Variants in ANKIB1 observed in about 807,000 individuals in gnomAD.
ANKIB1 encodes ankyrin repeat and IBR domain containing 1.
A neutral mutation model predicts 122.1 loss-of-function variants in ANKIB1; 43 were observed. The observed-to-expected ratio is 0.35, with a 90% CI of 0.28 to 0.45. ANKIB1 has a LOEUF of 0.45. Among genes scored for constraint, ANKIB1 ranks in the 20% least tolerant of loss-of-function variants. The pLI is 1.00. For synonymous variants in ANKIB1, 390 were observed against 442.0 expected (o/e 0.88, Z 1.48); for missense variants, 992 against 1,329.5 (o/e 0.75, Z 3.95).
At chr7:92,343,002 A>G in intron 5 of ANKIB1, 22 bp from the exon 6 acceptor site, 1 of 1,600,154 alleles carries the variant, frequency 6.2e-7, no homozygotes, top group East Asian at 2.2e-5. Context: ...TTTGAGAGCT[A>G]TCCATTCCAT....
At position 92,397,798 on chromosome 7, in the gene ANKIB1, A is replaced by G; in HGVS notation, c.2471A>G (p.His824Arg). ...AGTTCTGCATCTATGAGTGTGCTGC[A>G]CAGCTCTTCCCTGCGTGACTACACC... The part of the protein sequence containing the change: ...VVSSASMSVL[H>R]SSSLRDYTPA... Residue 824 changes from histidine (H) to arginine (R), a missense_variant, in exon 19 of 20, where the codon CAC becomes CGC. By Grantham distance (29) the His-to-Arg change is conservative. Around this residue, in one of 4 missense-constraint regions of ANKIB1, gnomAD observed 384 missense variants for 412.0 expected, o/e 0.93. Coordinates refer to ENST00000265742, the MANE Select transcript of ANKIB1 (RefSeq NM_019004.2). The G allele has an allele frequency of 6.2e-7, 1 of 1,607,374 alleles. No individual in the cohort carries two copies. The highest frequency in any genetic ancestry group is 1.1e-5 in the South Asian group (1 of 89,620).
chr7:92,343,308 C>T, intron 6 of ANKIB1, 76 bp downstream of exon 6: 2 of 1,318,518 alleles, frequency 1.5e-6, no homozygotes, highest in East Asian at 5.0e-5. Context: ...TAATATTGTT[C>T]CATGGAGTGT....
chr7:92,270,430 A>G (rs1019237677), intron 1 of ANKIB1, among the ~76,000 whole-genome samples: 31 of 152,296 alleles, frequency 2.0e-4, no homozygotes, highest in Admixed American at 1.6e-3. Flanking sequence ...CTTCTGTACC[A>G]TGACATAGAG....
At position 92,246,484 on chromosome 7, in the gene ANKIB1, G is replaced by A. The variant is rs1018724039; in HGVS notation, c.-126G>A. The A allele has an allele frequency of 2.1e-5, 11 of 518,384 alleles. No individual in the cohort carries two copies. Among genetic ancestry groups the A allele is most frequent in the Admixed American group, 3.9e-5 (2 of 51,582 alleles). 32.1% of individuals were successfully genotyped at this position (518,384 alleles called of 1,614,324 possible). On this transcript the variant is annotated 5_prime_UTR_variant, in exon 1 of 20. Transcript: ENST00000265742. ...GGAGGCGGAACTGCGGAGTTGCTGG[G>A]TCCACCGACCCTTACCCTCAGCGAG... is the stretch of plus-strand genomic sequence containing the variant.
At chr7:92,251,729 G>A (rs756154561) in intron 1 of ANKIB1, among the ~76,000 whole-genome samples, 2 of 152,080 alleles carry the variant, frequency 1.3e-5, no homozygotes, top group Non-Finnish European at 2.9e-5. Context: ...AAACACTACA[G>A]CGTCTGTTTT....
intron 2 of ANKIB1, among the ~76,000 whole-genome samples, chr7:92,303,551 G>A (rs1488816074): frequency 6.6e-6 from 1 of 152,146 alleles, no homozygotes; most frequent in African/African-American, 2.4e-5. Flanking sequence ...AAGACAGTGT[G>A]TATGGAGAAA....
chr7:92,256,910 C>G (rs1011576991), intron 1 of ANKIB1, among the ~76,000 whole-genome samples: 10 of 152,186 alleles, frequency 6.6e-5, no homozygotes, highest in Non-Finnish European at 1.0e-4. Flanking sequence ...AAGGGGCTGG[C>G]CAGGCTCTGT....
intron 1 of ANKIB1, among the ~76,000 whole-genome samples, chr7:92,286,188 A>G (rs1324431230): frequency 6.6e-6 from 1 of 152,180 alleles, no homozygotes; most frequent in Non-Finnish European, 1.5e-5. Context: ...TGTACCTTTT[A>G]GTAGAAGGTA....
In ANKIB1 at chr7:92,392,243, T is replaced by C. The variant is rs1471956518; in HGVS notation, c.2234T>C (p.Phe745Ser). The change falls in exon 17 of 20, where the codon TTT (phenylalanine) becomes TCT (serine). Residue 745 changes from phenylalanine to serine, a missense_variant and splice_region_variant. Physicochemically the swap from Phe to Ser is radical, Grantham distance 155 (BLOSUM62 -2). Coordinates refer to ENST00000265742, the MANE Select transcript of ANKIB1 (RefSeq NM_019004.2). ...ADSPEAPRRS[F>S]AGGTWDWEYL... ...TGGTATGTCTAATTTCTTTGTAGCT[T>C]TGCTGGTGGAACATGGGATTGGGAA... 2 of 1,610,632 alleles carry C rather than the reference T, an allele frequency of 1.2e-6. No homozygotes were observed. The highest frequency in any genetic ancestry group is 1.7e-5 in the Admixed American group (1 of 59,700).
chr7:92,316,861 C>T lies in ANKIB1; in HGVS notation c.487-2469C>T, dbSNP rs185630940. On this transcript the variant is annotated intron_variant, in intron 3 of 19. Coordinates refer to ENST00000265742, the MANE Select transcript of ANKIB1 (RefSeq NM_019004.2). ...TTGTCTTTGCTTTTGTTAAGGAAGA[C>T]TAGGGCATTAAGTTAAAGATGATTT... 3.9e-5 allele frequency among the ~76,000 whole-genome samples: 6 copies of T among 152,248 alleles called. No individual in the cohort carries two copies. In the East Asian group the frequency reaches 1.2e-3, roughly 29 times the overall value.
intron 2 of ANKIB1, among the ~76,000 whole-genome samples, chr7:92,300,183 C>T (rs1465233682): frequency 6.6e-6 from 1 of 152,132 alleles, no homozygotes; most frequent in African/African-American, 2.4e-5. Context: ...TTCCTCCAAG[C>T]AGAAATATGT....
intron 1 of ANKIB1, among the ~76,000 whole-genome samples, chr7:92,265,061 A>G (rs1801642893): frequency 6.6e-6 from 1 of 152,224 alleles, no homozygotes; most frequent in South Asian, 2.1e-4. Context: ...CTATAACGTC[A>G]AAATCCTGGG....
chr7:92,288,884 T>C (rs1802192265), intron 1 of ANKIB1, among the ~76,000 whole-genome samples: 1 of 152,080 alleles, frequency 6.6e-6, no homozygotes, highest in African/African-American at 2.4e-5. Flanking sequence ...AAACTGACAA[T>C]TCCAATTGCT....
At chr7:92,286,756 G>T (rs567828412) in intron 1 of ANKIB1, among the ~76,000 whole-genome samples, 1 of 152,102 alleles carries the variant, frequency 6.6e-6, no homozygotes, top group Non-Finnish European at 1.5e-5. Context: ...GATTACAGGC[G>T]TGAGCCACCA....
At chr7:92,260,241 T>C (rs907667978) in intron 1 of ANKIB1, among the ~76,000 whole-genome samples, 5 of 152,214 alleles carry the variant, frequency 3.3e-5, no homozygotes, top group Admixed American at 3.3e-4. Context: ...TTACTCTCTA[T>C]GCTACAGTAA....
At chr7:92,268,713 C>T (rs896366266) in intron 1 of ANKIB1, among the ~76,000 whole-genome samples, 2 of 152,178 alleles carry the variant, frequency 1.3e-5, no homozygotes, top group Non-Finnish European at 2.9e-5. Flanking sequence ...TGGACCCAAA[C>T]GATCCTCCTA....
intron 14 of ANKIB1, among the ~76,000 whole-genome samples, chr7:92,389,465 A>AT (rs544259074): frequency 6.6e-5 from 10 of 151,576 alleles, no homozygotes; most frequent in Non-Finnish European, 1.2e-4. Context: ...CTTTCTTTGG[A>AT]TTTTTTATTA....
chr7:92,289,320 C>G (rs1451379058), intron 1 of ANKIB1, among the ~76,000 whole-genome samples: 1 of 152,190 alleles, frequency 6.6e-6, no homozygotes, highest in Non-Finnish European at 1.5e-5. Context: ...CAGTGTTCAT[C>G]TGTGTATCCC....
intron 7 of ANKIB1, chr7:92,348,080 AT>A (rs1342538371): frequency 5.4e-6 from 2 of 370,032 alleles, no homozygotes; most frequent in Non-Finnish European, 1.0e-5. Flanking sequence ...CTGCTCATAA[AT>A]TTTTATTAAA....
Sources: allele counts gnomAD v4.1 joint callset (sites outside exome capture counted in the v4.1 genomes callset), GRCh38; gene constraint gnomAD v4.1.1; regional missense constraint gnomAD v4.1.1; transcripts MANE v1.5; gene names NCBI Gene and HGNC (gene_info 2026-07-23, HGNC 2026-07-21).